ALDH5A1: variants seen among roughly 807,000 people sequenced by gnomAD.
ALDH5A1 encodes the protein succinate-semialdehyde dehydrogenase, mitochondrial.
Under a neutral mutation model 54.7 loss-of-function variants are expected in ALDH5A1, and 33 were observed. That is an observed-to-expected ratio of 0.60 (90% confidence interval 0.46 to 0.81). ALDH5A1 has a LOEUF of 0.81. Ranked by LOEUF, ALDH5A1 falls within the 30% of genes least tolerant of loss-of-function variation. ALDH5A1 has a pLI of 0.00. For synonymous variants in ALDH5A1, 294 were observed against 292.7 expected, an observed-to-expected ratio of 1.00 and a Z score of -0.05; for missense variants, 657 against 711.0, an observed-to-expected ratio of 0.92 and a Z score of 0.86.
rs2127389573 is a variant in ALDH5A1, at chr6:24,528,161, T to G, written c.1338T>G (p.Val446=). Residue 446 remains valine (V), a synonymous_variant, in exon 8 of 10, where the codon GTT becomes GTG. Transcript: ENST00000357578. ...AGACTTTCGGGCCTCTGGCACCAGT[T>G]ATCAAGTAAGATCCTCCAGCCAGCG... The part of the protein sequence containing the change: ...HEETFGPLAP[V]IKFDTEEEAI... 6.2e-7 allele frequency: 1 copy of G among 1,613,832 alleles called. No homozygotes were observed. Among genetic ancestry groups the G allele is most frequent in the Non-Finnish European group, 8.5e-7 (1 of 1,179,826 alleles).
Position 24,494,975 on chromosome 6 carries a change from T to C in ALDH5A1, c.-22T>C, listed in dbSNP as rs750617560. ...CGCGCGCGCCCGCTTGCCTGTTTCC[T>C]GTCGCCGTCGTTGCCCGGGCCATGG... On this transcript the variant is annotated 5_prime_UTR_variant, in exon 1 of 10. Transcript: ENST00000357578. 31 of 1,304,932 alleles carry C rather than the reference T, an allele frequency of 2.4e-5. No individual in the cohort carries two copies. The African/African-American group carries it at 3.2e-4, about 13-fold the overall frequency. The allele number at this position is 1,304,932 out of a possible 1,614,324, so 80.8% of individuals were successfully genotyped here. A position where few individuals can be genotyped will look rare whatever the true frequency, so the allele number is the denominator to read the frequency against.
chr6:24,495,662 C>G (rs750504736), intron 1 of ALDH5A1, among the ~76,000 whole-genome samples: 2 of 152,010 alleles, frequency 1.3e-5, no homozygotes, highest in Non-Finnish European at 2.9e-5. Flanking sequence ...CAAGCCTAAC[C>G]GTGGAGGGGC....
intron 4 of ALDH5A1, among the ~76,000 whole-genome samples, chr6:24,514,287 G>A (rs771890792): frequency 2.2e-4 from 33 of 152,216 alleles, no homozygotes; most frequent in African/African-American, 6.3e-4. Context: ...CCTGCACCTA[G>A]TAGGTGCTCA....
chr6:24,497,717 A>C (rs1210873146), intron 1 of ALDH5A1, among the ~76,000 whole-genome samples: 1 of 152,200 alleles, frequency 6.6e-6, no homozygotes, highest in African/African-American at 2.4e-5. Context: ...AAAGGGGAAG[A>C]GTTGTATCAG....
intron 1 of ALDH5A1, among the ~76,000 whole-genome samples, chr6:24,499,596 G>A (rs950737351): frequency 1.3e-5 from 2 of 151,362 alleles, no homozygotes; most frequent in Non-Finnish European, 2.9e-5. Flanking sequence ...AGGCCTAAGC[G>A]ATTCCCCCAC....
At chr6:24,511,702 A>G (rs1581812806) in intron 4 of ALDH5A1, 2 of 391,674 alleles carry the variant, frequency 5.1e-6, no homozygotes, top group East Asian at 7.2e-5. Context: ...TATCTATTTC[A>G]TTGAAAACTT....
At chr6:24,507,732 TTTAAAA>T (rs1245269823) in intron 4 of ALDH5A1, among the ~76,000 whole-genome samples, 1 of 152,186 alleles carries the variant, frequency 6.6e-6, no homozygotes, top group Non-Finnish European at 1.5e-5. Flanking sequence ...TTCCCTAATT[TTTAAAA>T]TTATCTTTTA....
chr6:24,501,949 A>ATATATG, intron 1 of ALDH5A1, among the ~76,000 whole-genome samples: 1 of 150,168 alleles, frequency 6.7e-6, no homozygotes, highest in African/African-American at 2.5e-5. Flanking sequence ...GTATATATAT[A>ATATATG]TGTGTATGTG....
At position 24,504,756 on chromosome 6, in the gene ALDH5A1, T is replaced by C; in HGVS notation, c.610-113T>C. On this transcript the variant is annotated intron_variant, in intron 3 of 9. Coordinates refer to ENST00000357578, the MANE Select transcript of ALDH5A1 (RefSeq NM_001080.3). The stretch of plus-strand genomic sequence containing the variant: ...GAGCTCACCTGTGCAGCCAAACGGG[T>C]TTGTCAATCAGTTGTGCAATGAAAT... 4 of 1,082,168 alleles carry C rather than the reference T, an allele frequency of 3.7e-6. No individual in the cohort carries two copies. In the South Asian group the frequency reaches 5.0e-5, roughly 14 times the overall value. 67.0% of individuals were successfully genotyped at this position (1,082,168 alleles called of 1,614,324 possible). A position where few individuals can be genotyped will look rare whatever the true frequency, so the allele number is the denominator to read the frequency against.
intron 1 of ALDH5A1, among the ~76,000 whole-genome samples, chr6:24,499,887 A>C (rs755449204): frequency 4.6e-5 from 7 of 151,952 alleles, no homozygotes; most frequent in Non-Finnish European, 1.0e-4. Flanking sequence ...TCTGGATCTC[A>C]TGACCTCATG....
rs111455631 is a variant in ALDH5A1, at chr6:24,495,034, G to A, written c.38G>A (p.Arg13Gln). 3.0e-6 allele frequency: 4 copies of A among 1,348,200 alleles called. No homozygotes were observed. Among genetic ancestry groups the A allele is most frequent in the Admixed American group, 2.9e-5 (1 of 34,824 alleles). The allele number at this position is 1,348,200 out of a possible 1,614,324, so 83.5% of individuals were successfully genotyped here. ...ATTTGGCTGCGGAGCTGTGGGGCCC[G>A]GCGCCTCGGGTCGACGTTTCCAGGC... ...TCIWLRSCGA[R>Q]RLGSTFPGCR... is the part of the protein sequence containing the mutation. The change falls in exon 1 of 10, where the codon CGG becomes CAG. Residue 13 changes from arginine to glutamine, a missense_variant. Arg to Gln is a conservative substitution (Grantham distance 43, BLOSUM62 1). This residue lies in a region of ALDH5A1 where 232 missense variants were observed against 194.6 expected (regional missense o/e 1.19). Coordinates refer to ENST00000357578, the MANE Select transcript of ALDH5A1 (RefSeq NM_001080.3).
At position 24,503,252 on chromosome 6, in the gene ALDH5A1, A is replaced by G. The variant is rs2127382395; in HGVS notation, c.439-11A>G. 6.2e-7 allele frequency: 1 copy of G among 1,613,272 alleles called. No individual in the cohort carries two copies. Among genetic ancestry groups the G allele is most frequent in the Non-Finnish European group, 8.5e-7 (1 of 1,179,950 alleles). ...AAGGTAATACGTGGGTTCTTTTCTG[A>G]TTTAATTTAGGGAAAGCCACTGAAG... On this transcript the variant is annotated splice_polypyrimidine_tract_variant and intron_variant, in intron 2 of 9. Coordinates refer to ENST00000357578, the MANE Select transcript of ALDH5A1 (RefSeq NM_001080.3).
intron 8 of ALDH5A1, among the ~76,000 whole-genome samples, chr6:24,530,086 G>A (rs1440059565): frequency 6.6e-6 from 1 of 151,948 alleles, no homozygotes; most frequent in Admixed American, 6.6e-5. Flanking sequence ...CTATTATTGT[G>A]ATACTTCTAC....
At chr6:24,526,819 A>T (rs1452084276) in intron 7 of ALDH5A1, among the ~76,000 whole-genome samples, 1 of 131,254 alleles carries the variant, frequency 7.6e-6, no homozygotes, top group Non-Finnish European at 1.6e-5. Flanking sequence ...AGGATGAATG[A>T]AAAGGGAATA....
chr6:24,502,700 C>A, intron 2 of ALDH5A1, 94 bp downstream of exon 2: 1 of 880,400 alleles, frequency 1.1e-6, no homozygotes, highest in Non-Finnish European at 1.9e-6. Context: ...TCACTGCTGG[C>A]TGTAGCTGAA....
chr6:24,519,178 C>T (rs1561875293), intron 5 of ALDH5A1, among the ~76,000 whole-genome samples: 1 of 151,668 alleles, frequency 6.6e-6, no homozygotes, highest in Non-Finnish European at 1.5e-5. Context: ...TTTTTAATGG[C>T]AAGGATGGAA....
intron 1 of ALDH5A1, among the ~76,000 whole-genome samples, chr6:24,499,040 G>T (rs866338168): frequency 6.7e-6 from 1 of 150,284 alleles, no homozygotes; most frequent in African/African-American, 2.5e-5. Context: ...GGCGGAGGTT[G>T]CAGTGAGCCG....
chr6:24,511,800 TAATA>T, intron 4 of ALDH5A1: 1 of 472,684 alleles, frequency 2.1e-6, no homozygotes, highest in Non-Finnish European at 3.8e-6. Context: ...CTGATTAGCT[TAATA>T]AATAACTATC....
chr6:24,529,937 G>C (rs1194416768), intron 8 of ALDH5A1, among the ~76,000 whole-genome samples: 1 of 152,124 alleles, frequency 6.6e-6, no homozygotes, highest in African/African-American at 2.4e-5. Flanking sequence ...ATCCCAAAGG[G>C]CTGGGATTAC....
Sources: allele counts gnomAD v4.1 joint callset (sites outside exome capture counted in the v4.1 genomes callset), GRCh38; gene constraint gnomAD v4.1.1; regional missense constraint gnomAD v4.1.1; transcripts MANE v1.5; gene names NCBI Gene and HGNC (gene_info 2026-07-23, HGNC 2026-07-21).